PCDH11Y: variants seen among roughly 807,000 people sequenced by gnomAD.
PCDH11Y encodes protocadherin-11 Y-linked.
For missense variants in PCDH11Y, 12 were observed against 224.8 expected (o/e 0.05, Z 6.05); for synonymous variants, 9 against 83.6 (o/e 0.11, Z 4.87).
chrY:5,099,701 C>T, exon 2 of PCDH11Y: 2 of 395,909 alleles, frequency 5.1e-6, no homozygotes, highest in Non-Finnish European at 7.1e-6. Context: ...TTCATTGTCC[C>T]TCCTTACAAC....
chrY:5,176,367 C>G, intron 2 of PCDH11Y, among the ~76,000 whole-genome samples: 2 of 24,732 alleles, frequency 8.1e-5, no homozygotes, highest in African/African-American at 1.7e-4. Flanking sequence ...TGTGCAGAAG[C>G]TCTTTAGTTT....
At chrY:5,612,797 C>T in intron 4 of PCDH11Y, among the ~76,000 whole-genome samples, 1 of 30,758 alleles carries the variant, frequency 3.3e-5, no homozygotes, top group Non-Finnish European at 7.7e-5. Context: ...TCATTCAAGA[C>T]TTAGACTCTG....
chrY:5,513,846 T>C, intron 3 of PCDH11Y, among the ~76,000 whole-genome samples: 1 of 32,284 alleles, frequency 3.1e-5, no homozygotes, highest in Non-Finnish European at 7.6e-5. Flanking sequence ...TCTCATAGTT[T>C]TGGGAAACAT....
chrY:5,562,556 T>C (rs1397159958), intron 3 of PCDH11Y, among the ~76,000 whole-genome samples: 1 of 29,260 alleles, frequency 3.4e-5, no homozygotes, highest in South Asian at 8.1e-4. Flanking sequence ...GGTCAGGAGA[T>C]CGAGACCATC....
chrY:5,009,529 G>A, intron 1 of PCDH11Y, among the ~76,000 whole-genome samples: 1 of 33,601 alleles, frequency 3.0e-5, no homozygotes, highest in South Asian at 6.5e-4. Flanking sequence ...AAATAGTTAA[G>A]TACACATTTC....
At chrY:5,603,474 G>A (rs2053474669) in intron 4 of PCDH11Y, among the ~76,000 whole-genome samples, 1 of 32,706 alleles carries the variant, frequency 3.1e-5, no homozygotes, top group Non-Finnish European at 7.5e-5. Context: ...CATATTCTGC[G>A]CTATTTTTCT....
intron 2 of PCDH11Y, among the ~76,000 whole-genome samples, chrY:5,214,131 C>A (rs2052943067): frequency 3.1e-5 from 1 of 32,102 alleles, no homozygotes; most frequent in African/African-American, 1.2e-4. Context: ...AAAACAACAA[C>A]AACAAAAAAG....
intron 4 of PCDH11Y, among the ~76,000 whole-genome samples, chrY:5,681,131 T>TCTC (rs2053558050): frequency 3.0e-5 from 1 of 32,932 alleles, no homozygotes; most frequent in Non-Finnish European, 7.5e-5. Flanking sequence ...AAAATAGAGC[T>TCTC]CTGTATTAGT....
intron 1 of PCDH11Y, among the ~76,000 whole-genome samples, chrY:5,061,647 G>A (rs2563773): frequency 3.0e-5 from 1 of 32,977 alleles, no homozygotes; most frequent in Non-Finnish European, 7.4e-5. Flanking sequence ...TCCATCTTCC[G>A]TGGCATATAT....
intron 4 of PCDH11Y, among the ~76,000 whole-genome samples, chrY:5,711,553 G>A: frequency 6.5e-5 from 2 of 30,982 alleles, no homozygotes; most frequent in Admixed American, 3.0e-4. Context: ...CACTTTGGGA[G>A]GCTGAGTTGG....
chrY:5,445,375 A>C, intron 2 of PCDH11Y, among the ~76,000 whole-genome samples: 1 of 31,738 alleles, frequency 3.2e-5, no homozygotes, highest in African/African-American at 1.2e-4. Context: ...GATATCATTC[A>C]TGAGCTGATT....
At chrY:5,535,987 C>T (rs1602939669) in intron 3 of PCDH11Y, among the ~76,000 whole-genome samples, 2 of 32,480 alleles carry the variant, frequency 6.2e-5, no homozygotes, top group Admixed American at 5.5e-4. Flanking sequence ...TGCAGTGGCG[C>T]GATATCGGCT....
intron 2 of PCDH11Y, among the ~76,000 whole-genome samples, chrY:5,141,666 G>C: frequency 5.1e-5 from 1 of 19,498 alleles, no homozygotes; most frequent in Non-Finnish European, 1.2e-4. Flanking sequence ...AATGGGGAAA[G>C]GATTCCCTAT....
chrY:5,708,698 C>T, intron 4 of PCDH11Y, among the ~76,000 whole-genome samples: 1 of 33,107 alleles, frequency 3.0e-5, no homozygotes, highest in African/African-American at 1.2e-4. Context: ...GGGAAAATCA[C>T]CTTCATTAAA....
intron 2 of PCDH11Y, among the ~76,000 whole-genome samples, chrY:5,258,664 G>A: frequency 3.1e-5 from 1 of 32,694 alleles, no homozygotes; most frequent in African/African-American, 1.2e-4. Flanking sequence ...GTTTTTAGAA[G>A]ATGCTTGATA....
chrY:5,425,285 C>T, intron 2 of PCDH11Y, among the ~76,000 whole-genome samples: 3 of 32,882 alleles, frequency 9.1e-5, no homozygotes, highest in Non-Finnish European at 2.2e-4. Context: ...TTGAGTTTTC[C>T]GAGTAACCCA....
chrY:5,552,930 C>T, intron 3 of PCDH11Y, among the ~76,000 whole-genome samples: 1 of 29,988 alleles, frequency 3.3e-5, no homozygotes, highest in Non-Finnish European at 7.8e-5. Context: ...GCATTGGAGA[C>T]AGTCTAAGCA....
At chrY:5,551,099 G>T (rs2124694064) in intron 3 of PCDH11Y, among the ~76,000 whole-genome samples, 9 of 33,610 alleles carry the variant, frequency 2.7e-4, no homozygotes, top group Admixed American at 2.4e-3. Context: ...TGCACCTACT[G>T]CTAAGTAACG....
Position 5,594,104 on chromosome Y carries a change from C to T in PCDH11Y, c.3352+12306C>T. ...GTCTCCCTACACACATTCACAGCAG[C>T]GACAGAGGCAGCATGGCTCTCTAGG... On this transcript the variant is annotated intron_variant, in intron 4 of 4. Transcript: ENST00000400457. Among the ~76,000 whole-genome samples the T allele has an allele frequency of 9.2e-5, 3 of 32,775 alleles. No homozygotes were observed. The South Asian group carries it at 2.0e-3, about 22-fold the overall frequency. 87.9% of individuals were successfully genotyped at this position (32,775 alleles called of 37,273 possible). A position where few individuals can be genotyped will look rare whatever the true frequency, so the allele number is the denominator to read the frequency against.
Sources: allele counts gnomAD v4.1 joint callset (sites outside exome capture counted in the v4.1 genomes callset), GRCh38; gene constraint gnomAD v4.1.1; transcripts MANE v1.5; gene names NCBI Gene and HGNC (gene_info 2026-07-23, HGNC 2026-07-21).